PUM2: variants seen among roughly 807,000 people sequenced by gnomAD.
The protein encoded by PUM2 is pumilio RNA binding family member 2.
Under a neutral mutation model 124.5 loss-of-function variants are expected in PUM2, and 57 were observed. The ratio of observed to expected loss-of-function variants is 0.46; its 90% confidence interval spans 0.37 to 0.57. PUM2 has a LOEUF of 0.57. PUM2 is among the 20% of genes least tolerant of loss of function. The pLI, the probability that PUM2 is intolerant of heterozygous loss-of-function variation, is 0.00. For missense variants in PUM2, 1,065 were observed against 1,290.6 expected (o/e 0.83, Z 2.68); for synonymous variants, 460 against 446.1 (o/e 1.03, Z -0.39).
At chr2:20,287,201 C>T (rs1273408499) in intron 10 of PUM2, among the ~76,000 whole-genome samples, 1 of 152,080 alleles carries the variant, frequency 6.6e-6, no homozygotes, top group Non-Finnish European at 1.5e-5. Flanking sequence ...AAGACATTTC[C>T]CATCTACGAC....
At chr2:20,284,284 A>G (rs1672206843) in intron 10 of PUM2, among the ~76,000 whole-genome samples, 1 of 152,232 alleles carries the variant, frequency 6.6e-6, no homozygotes, top group Non-Finnish European at 1.5e-5. Context: ...TCAGTTTAGA[A>G]AGGCTGCCTT....
chr2:20,341,576 TTTGTATTTCTTCATA>T (rs1184351090), intron 1 of PUM2, among the ~76,000 whole-genome samples: 1 of 152,228 alleles, frequency 6.6e-6, no homozygotes, highest in Non-Finnish European at 1.5e-5. Context: ...TGGCTTTATC[TTTGTATTTCTTCATA>T]TTGTAAGACT....
intron 1 of PUM2, among the ~76,000 whole-genome samples, chr2:20,340,554 G>A (rs1454233543): frequency 1.3e-5 from 2 of 152,210 alleles, no homozygotes; most frequent in East Asian, 1.9e-4. Flanking sequence ...CAGAGTCCAG[G>A]TAGGAGGATT....
intron 7 of PUM2, among the ~76,000 whole-genome samples, chr2:20,301,060 C>CCAT (rs1299625277): frequency 1.3e-5 from 2 of 152,166 alleles, no homozygotes; most frequent in Non-Finnish European, 2.9e-5. Flanking sequence ...TCCAGTTGTC[C>CCAT]CATATTTCCG....
At chr2:20,268,056 C>T (rs187371664) in intron 13 of PUM2, among the ~76,000 whole-genome samples, 1 of 152,098 alleles carries the variant, frequency 6.6e-6, no homozygotes, top group Non-Finnish European at 1.5e-5. Flanking sequence ...AGTGAAACCA[C>T]CACAAAATAA....
Position 20,251,580 on chromosome 2 carries a change from G to A in PUM2, c.*5C>T. 6.2e-7 allele frequency: 1 copy of A among 1,608,908 alleles called. No individual in the cohort carries two copies. The highest frequency in any genetic ancestry group is 8.5e-7 in the Non-Finnish European group (1 of 1,177,860). On this transcript the variant is annotated 3_prime_UTR_variant, in exon 21 of 21. Transcript: ENST00000361078. ...AAATTATCTTCTTTCTCTTGCTCCT[G>A]TAATTTACAGCATTCCATTTGGTGG...
At chr2:20,280,094 G>T (rs753020508) in intron 12 of PUM2, among the ~76,000 whole-genome samples, 5 of 152,060 alleles carry the variant, frequency 3.3e-5, no homozygotes, top group Non-Finnish European at 5.9e-5. Flanking sequence ...AAAAATTAAG[G>T]AGAGTACATC....
In PUM2 at chr2:20,251,013, T is replaced by TA. The variant is rs1447281368; in HGVS notation, c.*571dup. On this transcript the variant is annotated 3_prime_UTR_variant, in exon 21 of 21. Transcript: ENST00000361078. ...TCAAACCACTTTATTCTTGTCTACT[T>TA]ACTCGTTATTTGCATGATAGTTTGT... 1 of 152,642 alleles carries TA rather than the reference T, an allele frequency of 6.6e-6. No individual in the cohort carries two copies. The highest frequency in any genetic ancestry group is 6.5e-5 in the Admixed American group (1 of 15,286). 9.5% of individuals were successfully genotyped at this position (152,642 alleles called of 1,614,324 possible).
chr2:20,308,169 G>A (rs1678782710), intron 6 of PUM2, 98 bp from the exon 7 acceptor site: 3 of 1,489,470 alleles, frequency 2.0e-6, no homozygotes, highest in East Asian at 2.4e-5. Context: ...TTCTTTGGGA[G>A]GACTTTCTCA....
intron 3 of PUM2, among the ~76,000 whole-genome samples, chr2:20,314,015 C>A (rs2148643914): frequency 6.6e-6 from 1 of 151,792 alleles, no homozygotes; most frequent in South Asian, 2.1e-4. Context: ...TGGTGACGGG[C>A]ACTTATAGTC....
intron 13 of PUM2, among the ~76,000 whole-genome samples, chr2:20,266,131 G>A (rs576397691): frequency 2.0e-5 from 3 of 152,186 alleles, no homozygotes; most frequent in South Asian, 2.1e-4. Flanking sequence ...AGACTAAGTG[G>A]TCTTCTCATA....
chr2:20,327,233 T>C (rs1256608932), intron 2 of PUM2, 77 bp downstream of exon 2: 1 of 985,842 alleles, frequency 1.0e-6, no homozygotes, highest in Non-Finnish European at 1.6e-6. Context: ...GGAAGGGAGA[T>C]GGTTAAAAAA....
intron 18 of PUM2, 66 bp downstream of exon 18, chr2:20,255,150 T>C: frequency 6.6e-7 from 1 of 1,516,132 alleles, no homozygotes; most frequent in South Asian, 1.2e-5. Flanking sequence ...CAAATTGTAT[T>C]TCTTTTAAAA....
intron 10 of PUM2, among the ~76,000 whole-genome samples, chr2:20,285,276 T>C (rs929797050): frequency 6.6e-6 from 1 of 152,242 alleles, no homozygotes; most frequent in Non-Finnish European, 1.5e-5. Flanking sequence ...AACCAGATTA[T>C]ATGGTCTGCC....
chr2:20,316,259 T>G (rs1033600159), intron 3 of PUM2, among the ~76,000 whole-genome samples: 1 of 152,200 alleles, frequency 6.6e-6, no homozygotes, highest in African/African-American at 2.4e-5. Context: ...TCACCAACAT[T>G]TTCCAGACTT....
intron 3 of PUM2, among the ~76,000 whole-genome samples, chr2:20,317,549 T>C (rs1000558951): frequency 2.0e-5 from 3 of 152,224 alleles, no homozygotes; most frequent in African/African-American, 7.2e-5. Flanking sequence ...CAGAATTTTA[T>C]TATTTTTAAA....
At chr2:20,302,031 C>T (rs572588105) in intron 7 of PUM2, among the ~76,000 whole-genome samples, 1 of 152,190 alleles carries the variant, frequency 6.6e-6, no homozygotes, top group Non-Finnish European at 1.5e-5. Flanking sequence ...CAGGTCTGTA[C>T]ATTACTATAT....
chr2:20,279,534 T>C (rs1194377446), intron 12 of PUM2, among the ~76,000 whole-genome samples: 2 of 152,336 alleles, frequency 1.3e-5, no homozygotes, highest in East Asian at 1.9e-4. Flanking sequence ...ATGCTAGTAC[T>C]ACTGCCTCCT....
chr2:20,324,938 TAA>T lies in PUM2; in HGVS notation c.51+2370_51+2371del, dbSNP rs35178527. Among the ~76,000 whole-genome samples, 697 of 141,836 alleles carry T rather than the reference TAA, an allele frequency of 4.9e-3. 9 individuals carry two copies. Among genetic ancestry groups the T allele is most frequent in the African/African-American group, 0.016 (633 of 38,546 alleles). The allele number at this position is 141,836 out of a possible 152,430, so 93.0% of individuals were successfully genotyped here. ...ATCTATTTTAAAAACCGTTTTGCAT[TAA>T]AAAAAAAAAAAAGCATTTTTAGAAA... On this transcript the variant is annotated intron_variant, in intron 2 of 20. Transcript: ENST00000361078.
Sources: allele counts gnomAD v4.1 joint callset (sites outside exome capture counted in the v4.1 genomes callset), GRCh38; gene constraint gnomAD v4.1.1; transcripts MANE v1.5; gene names NCBI Gene and HGNC (gene_info 2026-07-23, HGNC 2026-07-21).